Variants in ZFP14 observed in about 807,000 individuals in gnomAD.
The protein encoded by ZFP14 is ZFP14 zinc finger protein.
A neutral mutation model predicts 54.5 loss-of-function variants in ZFP14; 22 were observed. That is an observed-to-expected ratio of 0.40 (90% CI 0.29 to 0.58). The LOEUF is 0.58. Ranked by LOEUF, ZFP14 falls within the 20% of genes least tolerant of loss-of-function variation. The pLI, the probability that ZFP14 is intolerant of heterozygous loss-of-function variation, is 0.39. For synonymous variants in ZFP14, 159 were observed against 204.0 expected (o/e 0.78, Z 1.88); for missense variants, 470 against 637.8 (o/e 0.74, Z 2.83).
At chr19:36,366,067 C>T (rs1282785508) in intron 2 of ZFP14, among the ~76,000 whole-genome samples, 1 of 151,476 alleles carries the variant, frequency 6.6e-6, no homozygotes, top group Non-Finnish European at 1.5e-5. Flanking sequence ...GAGTTTGAGA[C>T]CAGCCTGGCC....
intron 1 of ZFP14, among the ~76,000 whole-genome samples, chr19:36,375,808 C>T (rs910117749): frequency 1.1e-4 from 16 of 152,006 alleles, no homozygotes; most frequent in African/African-American, 3.6e-4. Flanking sequence ...CTGCCCGCCT[C>T]GGCCTCCCAA....
At chr19:36,374,839 C>A (rs1334806125) in intron 1 of ZFP14, among the ~76,000 whole-genome samples, 1 of 152,128 alleles carries the variant, frequency 6.6e-6, no homozygotes, top group African/African-American at 2.4e-5. Flanking sequence ...CCTGAAATAC[C>A]CAAATACTTC....
In ZFP14 at chr19:36,337,663, TTCA is replaced by T. The variant is rs1044965460; in HGVS notation, c.*2558_*2560del. The T allele has an allele frequency of 1.3e-5, 2 of 152,196 alleles. No homozygotes were observed. The highest frequency in any genetic ancestry group is 4.8e-5 in the African/African-American group (2 of 41,450). 9.4% of individuals were successfully genotyped at this position (152,196 alleles called of 1,614,324 possible). On this transcript the variant is annotated 3_prime_UTR_variant, in exon 5 of 5. Transcript: ENST00000270001. The stretch of plus-strand genomic sequence containing the variant: ...GATACCAAGGGATGACCATATACTG[TTCA>T]TCTAGTCCCTGTCTGCTTTCAGTTC...
chr19:36,362,384 G>A, intron 2 of ZFP14, 146 bp from the exon 3 acceptor site: 1 of 751,264 alleles, frequency 1.3e-6, no homozygotes, highest in Non-Finnish European at 2.0e-6. Flanking sequence ...ATGAGTAGGG[G>A]CCAGTAAGAA....
chr19:36,340,549 C>T lies in ZFP14; in HGVS notation c.1277G>A (p.Cys426Tyr), dbSNP rs1032499924. Residue 426 changes from cysteine (C) to tyrosine (Y), a missense_variant, in exon 5 of 5, where the codon TGT becomes TAT. By Grantham distance (194) the Cys-to-Tyr change is radical (BLOSUM62 -2). Transcript: ENST00000270001. This position sits in a 1 kb window ranked among gnomAD's most constrained non-coding sequence, Gnocchi z 5.4. ...TCTAAAGGCCTTTCCACACTCTTCACATTCATAGGGTCTCTCACCAATATG... is the reference window on the plus strand; with the variant it reads ...TCTAAAGGCCTTTCCACACTCTTCATATTCATAGGGTCTCTCACCAATATG... Reference protein sequence around the residue: ...SIHIGERPYECEECGKAFRLL... With the variant: ...SIHIGERPYEYEECGKAFRLL... 6.2e-7 allele frequency: 1 copy of T among 1,614,176 alleles called. No individual in the cohort carries two copies. The highest frequency in any genetic ancestry group is 2.2e-5 in the East Asian group (1 of 44,868).
chr19:36,363,954 C>A (rs2031752454), intron 2 of ZFP14, among the ~76,000 whole-genome samples: 1 of 151,590 alleles, frequency 6.6e-6, no homozygotes, highest in African/African-American at 2.4e-5. Flanking sequence ...CACACTACTG[C>A]ACTCCAGCCT....
intron 4 of ZFP14, among the ~76,000 whole-genome samples, chr19:36,342,172 T>C (rs2145539972): frequency 7.5e-6 from 1 of 132,698 alleles, no homozygotes; most frequent in Admixed American, 8.3e-5. Flanking sequence ...CTTCATTCTA[T>C]GCCTTTTTTT....
At chr19:36,368,803 G>T (rs1018449246) in intron 1 of ZFP14, among the ~76,000 whole-genome samples, 1 of 151,950 alleles carries the variant, frequency 6.6e-6, no homozygotes, top group Non-Finnish European at 1.5e-5. Flanking sequence ...TTCCAATCAG[G>T]GCCTCCCATA....
At chr19:36,342,141 C>A (rs2145539935) in intron 4 of ZFP14, among the ~76,000 whole-genome samples, 1 of 150,050 alleles carries the variant, frequency 6.7e-6, no homozygotes, top group African/African-American at 2.5e-5. Flanking sequence ...AGGAGTGAGC[C>A]ACTGCGCCCG....
chr19:36,341,076 AT>A lies in ZFP14; in HGVS notation c.749del (p.His250LeufsTer130). On this transcript the variant is annotated frameshift_variant, in exon 5 of 5. Transcript: ENST00000270001. LOFTEE classifies it high-confidence loss of function. The surrounding 1 kb of genome is among the most constrained non-coding windows in gnomAD (Gnocchi z 4.2). ...TACATTCATAGGGTTTTTCACCCGT[AT>A]GAAGTCTCTGATGTTGAGTAAGTTC... ...LQELTQHQRL[H>X]TGEKPYECKE... 6.2e-7 allele frequency: 1 copy of A among 1,613,966 alleles called. No individual in the cohort carries two copies.
intron 4 of ZFP14, among the ~76,000 whole-genome samples, chr19:36,348,742 G>A (rs373504471): frequency 6.2e-4 from 95 of 152,128 alleles, no homozygotes; most frequent in Middle Eastern, 3.4e-3. Context: ...ATTTGACCCC[G>A]CCTGTGCTGC....
intron 4 of ZFP14, among the ~76,000 whole-genome samples, chr19:36,343,574 C>T (rs62112620): frequency 0.31 from 47,737 of 152,082 alleles, 8,014 homozygotes; most frequent in Admixed American, 0.4. Flanking sequence ...TGTCTTACTC[C>T]ATTTTCTGTT....
intron 2 of ZFP14, among the ~76,000 whole-genome samples, chr19:36,362,516 A>C (rs539598456): frequency 6.6e-6 from 1 of 152,296 alleles, no homozygotes; most frequent in African/African-American, 2.4e-5. Flanking sequence ...AATCCTAATT[A>C]AATGAAATAG....
At chr19:36,358,404 C>A (rs1338303563) in intron 4 of ZFP14, among the ~76,000 whole-genome samples, 1 of 152,172 alleles carries the variant, frequency 6.6e-6, no homozygotes, top group Non-Finnish European at 1.5e-5. Flanking sequence ...AGCCACTGCA[C>A]CCGGCCTGAT....
intron 1 of ZFP14, among the ~76,000 whole-genome samples, chr19:36,368,207 G>A (rs904437846): frequency 2.0e-5 from 3 of 152,138 alleles, no homozygotes; most frequent in Non-Finnish European, 4.4e-5. Flanking sequence ...GGTGGCTCTC[G>A]CCTGTAATCT....
chr19:36,344,825 C>T (rs1600067775), intron 4 of ZFP14, among the ~76,000 whole-genome samples: 1 of 152,172 alleles, frequency 6.6e-6, no homozygotes, highest in East Asian at 1.9e-4. Context: ...CCATTTTCTC[C>T]CGCCCCAGTC....
In ZFP14 at chr19:36,350,582, C is replaced by T. The variant is rs114260268; in HGVS notation, c.236-8992G>A. On this transcript the variant is annotated intron_variant, in intron 4 of 4. Coordinates refer to ENST00000270001, the MANE Select transcript of ZFP14 (RefSeq NM_020917.3). ...TGCCACTGCACTCCAACCTGGGCAT[C>T]CAAGCAAGATCCTGTCTTTAAAAAA... Among the ~76,000 whole-genome samples, 14 of 140,566 alleles carry T rather than the reference C, an allele frequency of 1.0e-4. 1 individual carries two copies. The highest frequency in any genetic ancestry group is 3.7e-4 in the African/African-American group (14 of 38,256). The allele number at this position is 140,566 out of a possible 152,430, so 92.2% of individuals were successfully genotyped here.
intron 1 of ZFP14, among the ~76,000 whole-genome samples, chr19:36,376,818 C>T (rs2031969460): frequency 6.6e-6 from 1 of 152,156 alleles, no homozygotes; most frequent in East Asian, 1.9e-4. Flanking sequence ...CTATCATTAT[C>T]CTCATTTTGC....
At chr19:36,349,565 CT>C (rs1225608710) in intron 4 of ZFP14, among the ~76,000 whole-genome samples, 1 of 151,106 alleles carries the variant, frequency 6.6e-6, no homozygotes, top group Non-Finnish European at 1.5e-5. Context: ...ACTTAGGAGG[CT>C]GAGGCAGGAG....
Sources: gnomAD v4.1 joint callset for allele counts (sites outside exome capture counted in the v4.1 genomes callset) on GRCh38, gnomAD v4.1.1 for gene constraint, Gnocchi (gnomAD v3.1) non-coding constraint, MANE v1.5 for transcripts, NCBI Gene and HGNC (gene_info 2026-07-23, HGNC 2026-07-21) for gene names.